SLC39A10: variants seen among roughly 807,000 people sequenced by gnomAD.
SLC39A10 encodes zinc transporter ZIP10.
SLC39A10 carries 13 observed loss-of-function variants against 65.1 expected under a neutral mutation model. That is an observed-to-expected ratio of 0.20 (90% CI 0.13 to 0.32). The LOEUF is 0.32. Ranked by LOEUF, SLC39A10 falls within the 10% of genes least tolerant of loss-of-function variation. The pLI, the probability that SLC39A10 is intolerant of heterozygous loss-of-function variation, is 1.00. For missense variants in SLC39A10, 831 were observed against 1,018.4 expected, an observed-to-expected ratio of 0.82 and a Z score of 2.50; for synonymous variants, 321 against 342.2, an observed-to-expected ratio of 0.94 and a Z score of 0.68.
chr2:195,713,667 T>C, intron 6 of SLC39A10, 114 bp downstream of exon 6: 1 of 1,197,372 alleles, frequency 8.4e-7, no homozygotes, highest in Non-Finnish European at 1.1e-6. Flanking sequence ...TACAGTAAAC[T>C]AAATACAAGA....
At chr2:195,703,603 A>G (rs1691280596) in intron 3 of SLC39A10, among the ~76,000 whole-genome samples, 1 of 152,186 alleles carries the variant, frequency 6.6e-6, no homozygotes, top group Non-Finnish European at 1.5e-5. Flanking sequence ...TCAAAGTAAT[A>G]CAGAGACTAT....
intron 1 of SLC39A10, among the ~76,000 whole-genome samples, chr2:195,667,646 A>G (rs1221391956): frequency 6.6e-6 from 1 of 152,200 alleles, no homozygotes; most frequent in African/African-American, 2.4e-5. Context: ...TAATATATTT[A>G]ATTGCTTTAC....
chr2:195,638,493 C>A (rs1688736743), intron 2 of SLC39A10, among the ~76,000 whole-genome samples: 1 of 151,976 alleles, frequency 6.6e-6, no homozygotes, highest in Non-Finnish European at 1.5e-5. Context: ...GCACCTGCCA[C>A]CACACTCGGC....
At chr2:195,670,972 G>C (rs1559025435) in intron 1 of SLC39A10, among the ~76,000 whole-genome samples, 1 of 152,166 alleles carries the variant, frequency 6.6e-6, no homozygotes, top group Non-Finnish European at 1.5e-5. Flanking sequence ...CAAATGTTAA[G>C]TGTAAAATTC....
intron 3 of SLC39A10, among the ~76,000 whole-genome samples, chr2:195,697,053 G>A (rs1401474512): frequency 6.6e-6 from 1 of 152,124 alleles, no homozygotes; most frequent in African/African-American, 2.4e-5. Context: ...TTCATGTTGA[G>A]TAGGCTGAGG....
intron 1 of SLC39A10, among the ~76,000 whole-genome samples, chr2:195,672,039 A>G (rs1228009268): frequency 6.6e-6 from 1 of 151,802 alleles, no homozygotes; most frequent in Non-Finnish European, 1.5e-5. Flanking sequence ...AAACTTGCCC[A>G]TTTCTTAAAC....
chr2:195,614,603 C>CA (rs892622185), intron 2 of SLC39A10, among the ~76,000 whole-genome samples: 1 of 152,034 alleles, frequency 6.6e-6, no homozygotes, highest in Non-Finnish European at 1.5e-5. Flanking sequence ...ATGTTAATAT[C>CA]AAAAAACCCC....
intron 6 of SLC39A10, among the ~76,000 whole-genome samples, chr2:195,714,028 G>C (rs1431559284): frequency 6.6e-6 from 1 of 151,914 alleles, no homozygotes; most frequent in Non-Finnish European, 1.5e-5. Context: ...CCGGGTTCAT[G>C]CCATTCTCCT....
intron 2 of SLC39A10, among the ~76,000 whole-genome samples, chr2:195,650,651 C>T (rs908855762): frequency 6.6e-6 from 1 of 152,028 alleles, no homozygotes; most frequent in East Asian, 1.9e-4. Context: ...TAATTTTTCT[C>T]CCCTGGGTGA....
At chr2:195,707,120 G>T (rs1234025432) in intron 4 of SLC39A10, among the ~76,000 whole-genome samples, 1 of 152,150 alleles carries the variant, frequency 6.6e-6, no homozygotes, top group Non-Finnish European at 1.5e-5. Context: ...TAATGATTAT[G>T]CCTGTAGGTG....
chr2:195,629,795 A>G (rs1393312422), intron 2 of SLC39A10, among the ~76,000 whole-genome samples: 1 of 152,226 alleles, frequency 6.6e-6, no homozygotes, highest in Admixed American at 6.5e-5. Flanking sequence ...TAAAGTGGCG[A>G]TTGTAGCTCA....
At chr2:195,649,592 T>TA (rs1344968295) in intron 2 of SLC39A10, among the ~76,000 whole-genome samples, 2 of 152,208 alleles carry the variant, frequency 1.3e-5, no homozygotes, top group Non-Finnish European at 2.9e-5. Flanking sequence ...TGAGCCTTTT[T>TA]AAAAAAATTT....
chr2:195,619,047 C>T (rs138702345), intron 2 of SLC39A10, among the ~76,000 whole-genome samples: 12,033 of 137,720 alleles, frequency 0.087, 592 homozygotes, highest in Admixed American at 0.16. Flanking sequence ...GAGCTGAGAT[C>T]GCACCATTGC....
intron 3 of SLC39A10, among the ~76,000 whole-genome samples, chr2:195,696,338 T>TATC (rs1395364270): frequency 2.1e-5 from 3 of 144,092 alleles, no homozygotes; most frequent in Non-Finnish European, 3.0e-5. Context: ...AAAAAAAACC[T>TATC]ATCATTAGGA....
At chr2:195,656,908 C>T (rs2105718912), upstream of SLC39A10, 1 of 152,396 alleles carries the variant, frequency 6.6e-6, no homozygotes, top group East Asian at 1.9e-4. Flanking sequence ...CCCCAACTCC[C>T]CCGCGGCGTT....
rs753962607 is a variant in SLC39A10, at chr2:195,734,869, A to G, written c.2338-14A>G. On this transcript the variant is annotated splice_polypyrimidine_tract_variant and intron_variant, in intron 9 of 9. Coordinates refer to ENST00000359634, the MANE Select transcript of SLC39A10 (RefSeq NM_020342.3). ...GTATTATACAAAGTTTAATGTGAAGATTTATTTTTCTAGCTTCCAGAAATG... is the reference window on the plus strand; with the variant it reads ...GTATTATACAAAGTTTAATGTGAAGGTTTATTTTTCTAGCTTCCAGAAATG... The G allele has an allele frequency of 6.3e-7, 1 of 1,589,986 alleles. No homozygotes were observed. Among genetic ancestry groups the G allele is most frequent in the Non-Finnish European group, 8.5e-7 (1 of 1,171,240 alleles).
chr2:195,712,334 A>T (rs1203345640), intron 5 of SLC39A10, among the ~76,000 whole-genome samples: 1 of 152,258 alleles, frequency 6.6e-6, no homozygotes, highest in African/African-American at 2.4e-5. Flanking sequence ...GCTAGCCAGA[A>T]TTCCAGGGCA....
intron 6 of SLC39A10, 48 bp downstream of exon 6, chr2:195,713,601 T>C (rs753805216): frequency 7.3e-5 from 110 of 1,501,644 alleles, no homozygotes; most frequent in Admixed American, 1.0e-4. Context: ...TTTTTTTTTT[T>C]CATTCAAATT....
chr2:195,681,435 G>C (rs1015554155), intron 2 of SLC39A10, among the ~76,000 whole-genome samples: 5 of 152,022 alleles, frequency 3.3e-5, no homozygotes, highest in African/African-American at 1.2e-4. Context: ...CTGAGGTGGA[G>C]AATCACTTGA....
Sources: allele counts gnomAD v4.1 joint callset (sites outside exome capture counted in the v4.1 genomes callset), GRCh38; gene constraint gnomAD v4.1.1; transcripts MANE v1.5; gene names NCBI Gene and HGNC (gene_info 2026-07-23, HGNC 2026-07-21).